GTF2IRD1: variants seen among roughly 807,000 people sequenced by gnomAD.
GTF2IRD1 encodes GTF2I repeat domain containing 1, also known as general transcription factor II-I repeat domain-containing protein 1.
Under a neutral mutation model 113.2 loss-of-function variants are expected in GTF2IRD1, and 26 were observed. The ratio of observed to expected loss-of-function variants is 0.23; its 90% confidence interval spans 0.17 to 0.32. The LOEUF is 0.32. Ranked by LOEUF, GTF2IRD1 falls within the 10% of genes least tolerant of loss-of-function variation. The pLI is 1.00. For missense variants in GTF2IRD1, 864 were observed against 1,280.8 expected, an observed-to-expected ratio of 0.67 and a Z score of 4.97; for synonymous variants, 484 against 529.1, an observed-to-expected ratio of 0.91 and a Z score of 1.17.
intron 22 of GTF2IRD1, among the ~76,000 whole-genome samples, chr7:74,575,186 C>CA (rs1800967039): frequency 6.6e-6 from 1 of 152,088 alleles, no homozygotes; most frequent in African/African-American, 2.4e-5. Context: ...ACCATGGGAG[C>CA]AATTGTATTT....
Position 74,526,122 on chromosome 7 carries a change from G to A in GTF2IRD1, c.1090+1968G>A, listed in dbSNP as rs372201223. Among the ~76,000 whole-genome samples, 38 of 152,364 alleles carry A rather than the reference G, an allele frequency of 2.5e-4. 1 individual carries two copies. The highest frequency in any genetic ancestry group is 8.2e-4 in the African/African-American group (34 of 41,594). ...GAGCCAGGCGGAGGTTGGGGGAGGG[G>A]AACCAGGGAGGAGCCGGCTCTGCCT... On this transcript the variant is annotated intron_variant, in intron 8 of 26. Transcript: ENST00000424337.
At chr7:74,540,665 T>G (rs1798577982) in intron 14 of GTF2IRD1, among the ~76,000 whole-genome samples, 1 of 151,368 alleles carries the variant, frequency 6.6e-6, no homozygotes, top group African/African-American at 2.4e-5. Context: ...ATAAGTAAAA[T>G]AGGCAGGGTA....
chr7:74,516,716 A>G (rs1796950090), intron 4 of GTF2IRD1, among the ~76,000 whole-genome samples: 1 of 152,120 alleles, frequency 6.6e-6, no homozygotes, highest in Non-Finnish European at 1.5e-5. Flanking sequence ...GGGACTTGCC[A>G]CGCATGGTTG....
At chr7:74,578,149 G>A (rs1324790180) in intron 22 of GTF2IRD1, among the ~76,000 whole-genome samples, 1 of 152,038 alleles carries the variant, frequency 6.6e-6, no homozygotes, top group African/African-American at 2.4e-5. Flanking sequence ...TGTAATGTTT[G>A]CCTAAACAAA....
intron 4 of GTF2IRD1, among the ~76,000 whole-genome samples, chr7:74,517,794 C>T (rs1410867168): frequency 6.6e-6 from 1 of 151,962 alleles, no homozygotes; most frequent in African/African-American, 2.4e-5. Context: ...TTTTCTCCTA[C>T]CGGATTGTCT....
intron 22 of GTF2IRD1, among the ~76,000 whole-genome samples, chr7:74,580,915 G>C (rs1328775226): frequency 1.1e-4 from 17 of 152,326 alleles, no homozygotes; most frequent in East Asian, 5.8e-4. Flanking sequence ...GTTTGCAACT[G>C]TGGGTGTCTT....
At chr7:74,463,036 G>T (rs1793481372) in intron 1 of GTF2IRD1, among the ~76,000 whole-genome samples, 1 of 152,164 alleles carries the variant, frequency 6.6e-6, no homozygotes, top group Admixed American at 6.5e-5. Flanking sequence ...GGGGTTCCTG[G>T]TGGTGCGTCT....
At chr7:74,454,828 G>A (rs776614530) in intron 1 of GTF2IRD1, among the ~76,000 whole-genome samples, 3 of 152,272 alleles carry the variant, frequency 2.0e-5, no homozygotes, top group African/African-American at 4.8e-5. Context: ...GGGGATACTC[G>A]GTCTGTGGGT....
chr7:74,569,529 T>C (rs1415600173), intron 22 of GTF2IRD1, among the ~76,000 whole-genome samples: 1 of 152,240 alleles, frequency 6.6e-6, no homozygotes, highest in African/African-American at 2.4e-5. Flanking sequence ...GGGCCTAGCC[T>C]GCAAAGCTAG....
Position 74,545,788 on chromosome 7 carries a change from C to A in GTF2IRD1, c.1711C>A (p.Leu571Met). 6.2e-7 allele frequency: 1 copy of A among 1,613,270 alleles called. No individual in the cohort carries two copies. Among genetic ancestry groups the A allele is most frequent in the Non-Finnish European group, 8.5e-7 (1 of 1,179,552 alleles). Residue 571 changes from leucine to methionine, a missense_variant, in exon 16 of 27, where the codon CTG becomes ATG. By Grantham distance (15) the Leu-to-Met change is conservative (BLOSUM62 2). Coordinates refer to ENST00000424337, the MANE Select transcript of GTF2IRD1 (RefSeq NM_005685.4). ...VIRPLRKQVE[L>M]LFNTRYAKAI... ...CCGGCCCCTGCGGAAGCAGGTGGAG[C>A]TGCTCTTCAACACACGATACGGTGA...
intron 4 of GTF2IRD1, 84 bp downstream of exon 4, chr7:74,515,680 TC>T: frequency 7.9e-7 from 1 of 1,260,496 alleles, no homozygotes; most frequent in Non-Finnish European, 1.1e-6. Context: ...CCCCCTCCTG[TC>T]CCACTATGGG....
At position 74,602,361 on chromosome 7, in the gene GTF2IRD1, C is replaced by G. The variant is rs373583954; in HGVS notation, c.2767-4C>G. The stretch of plus-strand genomic sequence containing the variant: ...TAATCCAGTCCCTTTGTCCCTCTCT[C>G]TAGCAATGGCCAATGTACATGGTGG... On this transcript the variant is annotated splice_region_variant and splice_polypyrimidine_tract_variant and intron_variant, in intron 26 of 26. Coordinates refer to ENST00000424337, the MANE Select transcript of GTF2IRD1 (RefSeq NM_005685.4). 1.2e-6 allele frequency: 2 copies of G among 1,612,704 alleles called. No homozygotes were observed. The highest frequency in any genetic ancestry group is 1.7e-6 in the Non-Finnish European group (2 of 1,178,822).
chr7:74,468,836 G>A (rs1793907844), intron 1 of GTF2IRD1, among the ~76,000 whole-genome samples: 1 of 151,970 alleles, frequency 6.6e-6, no homozygotes, highest in Non-Finnish European at 1.5e-5. Flanking sequence ...TGTAATCCCA[G>A]CACTTTGGGA....
intron 2 of GTF2IRD1, among the ~76,000 whole-genome samples, chr7:74,510,715 G>T (rs1301429286): frequency 6.6e-6 from 1 of 152,110 alleles, no homozygotes; most frequent in Admixed American, 6.6e-5. Context: ...TCTATGGATT[G>T]GACAGTGCAG....
intron 1 of GTF2IRD1, among the ~76,000 whole-genome samples, chr7:74,471,672 TA>T (rs66929736): frequency 0.26 from 26,843 of 104,546 alleles, 2,695 homozygotes; most frequent in Middle Eastern, 0.39. Context: ...TTGAAATATT[TA>T]AAAAAAAAAA....
rs782792046 is a variant in GTF2IRD1, at chr7:74,601,098, C to T, written c.2684C>T (p.Ser895Phe). ...AGAAAGCGGGTCTCGGAAGGAAATT[C>T]CGTCTCCTCTTCCTCCTCGTCTTCC... ...RKRKRVSEGN[S>F]VSSSSSSSSS... The change falls in exon 26 of 27, where the codon TCC becomes TTC. Residue 895 changes from serine to phenylalanine, a missense_variant. Physicochemically the swap from Ser to Phe is radical, Grantham distance 155. Coordinates refer to ENST00000424337, the MANE Select transcript of GTF2IRD1 (RefSeq NM_005685.4). The T allele has an allele frequency of 6.2e-7, 1 of 1,614,086 alleles. No individual in the cohort carries two copies. Among genetic ancestry groups the T allele is most frequent in the Non-Finnish European group, 8.5e-7 (1 of 1,179,982 alleles).
At chr7:74,554,524 G>A (rs149903602) in intron 17 of GTF2IRD1, among the ~76,000 whole-genome samples, 33 of 152,124 alleles carry the variant, frequency 2.2e-4, no homozygotes, top group African/African-American at 7.9e-4. Flanking sequence ...TTCGTAGTGG[G>A]CCCCGACTGT....
intron 8 of GTF2IRD1, among the ~76,000 whole-genome samples, chr7:74,528,985 G>GGATGGATGGATA (rs1240561988): frequency 1.7e-4 from 26 of 148,812 alleles, no homozygotes; most frequent in African/African-American, 6.2e-4. Flanking sequence ...ATGGATGGAT[G>GGATGGATGGATA]GATAGACGGA....
rs1554345166 is a variant in GTF2IRD1 at position 74,518,309 on chromosome 7, T to C, written c.592T>C (p.Phe198Leu). 1.9e-6 allele frequency: 3 copies of C among 1,596,470 alleles called. No homozygotes were observed. The highest frequency in any genetic ancestry group is 1.3e-5 in the African/African-American group (1 of 74,612). The change falls in exon 5 of 27, where the codon TTC becomes CTC. Residue 198 changes from phenylalanine to leucine, a missense_variant. Transcript: ENST00000424337. ...AILEHSHRIR[F>L]KLKRPLEDGG... Reference sequence around the variant, plus strand: ...CCTGGAACACAGCCACCGCATCCGCTTCAAGCTCAAGAGGTGAGTGAGGTA... The same window carrying C: ...CCTGGAACACAGCCACCGCATCCGCCTCAAGCTCAAGAGGTGAGTGAGGTA...
Sources: allele counts gnomAD v4.1 joint callset (sites outside exome capture counted in the v4.1 genomes callset), GRCh38; gene constraint gnomAD v4.1.1; transcripts MANE v1.5; gene names NCBI Gene and HGNC (gene_info 2026-07-23, HGNC 2026-07-21).